The following ARL14EPL variants were observed in gnomAD, a reference collection of about 807,000 sequenced individuals.
ARL14EPL encodes the protein ARF like GTPase 14 effector protein like.
In ARL14EPL, 17 loss-of-function variants were observed where a neutral mutation model predicts 15.9. The ratio of observed to expected loss-of-function variants is 1.07; its 90% CI spans 0.73 to 1.60. The LOEUF (loss-of-function observed/expected upper bound fraction) is 1.60. Among genes scored for constraint, ARL14EPL ranks in the 40% most tolerant of loss-of-function variants. The pLI is 0.00. For synonymous variants in ARL14EPL, 78 were observed against 63.8 expected, an observed-to-expected ratio of 1.22 and a Z score of -1.06; for missense variants, 214 against 185.9, an observed-to-expected ratio of 1.15 and a Z score of -0.88.
intron 2 of ARL14EPL, among the ~76,000 whole-genome samples, 187 bp from the exon 3 acceptor site, chr5:116,053,827 T>C (rs1412490769): frequency 1.3e-5 from 2 of 152,238 alleles, no homozygotes; most frequent in African/African-American, 2.4e-5. Flanking sequence ...TCAGAAAGAA[T>C]GGCCCAACTT....
chr5:116,052,329 A>C, intron 2 of ARL14EPL: 1 of 935,374 alleles, frequency 1.1e-6, no homozygotes, highest in Non-Finnish European at 1.8e-6. Context: ...CCTTGCAAAG[A>C]TGTCGGACAA....
intron 1 of ARL14EPL, among the ~76,000 whole-genome samples, chr5:116,050,891 A>T (rs1407115454): frequency 6.6e-6 from 1 of 151,452 alleles, no homozygotes; most frequent in Non-Finnish European, 1.5e-5. Flanking sequence ...CTACTGAAGT[A>T]ATTTAGAAGA....
At chr5:116,054,212 T>C in intron 3 of ARL14EPL, 59 bp downstream of exon 3, 2 of 1,433,330 alleles carry the variant, frequency 1.4e-6, no homozygotes, top group Non-Finnish European at 1.8e-6. Context: ...GAATTCTCCT[T>C]GACAAAGCAA....
At chr5:116,046,903 G>A (rs6594932) in intron 1 of ARL14EPL, among the ~76,000 whole-genome samples, 120,954 of 151,988 alleles carry the variant, frequency 0.8, 48,314 homozygotes, top group Middle Eastern at 0.86. Flanking sequence ...AGGTCCTAGG[G>A]TGTGGGCCTA....
At chr5:116,035,690 C>T (rs552810667) in intron 1 of ARL14EPL, among the ~76,000 whole-genome samples, 45 of 152,280 alleles carry the variant, frequency 3.0e-4, no homozygotes, top group Admixed American at 1.8e-3. Context: ...CTCAGCCCAG[C>T]CAGGATCCAG....
At chr5:116,044,465 TTA>T (rs35174440) in intron 1 of ARL14EPL, among the ~76,000 whole-genome samples, 1 of 148,582 alleles carries the variant, frequency 6.7e-6, no homozygotes, top group Non-Finnish European at 1.5e-5. Context: ...AAGAAAAACA[TTA>T]TATATATATA....
chr5:116,052,084 T>A (rs1580416171), intron 2 of ARL14EPL: 2 of 1,613,530 alleles, frequency 1.2e-6, no homozygotes, highest in Non-Finnish European at 1.7e-6. Context: ...CAGCTGGGGT[T>A]ATAAGTTTAT....
At chr5:116,055,388 G>T (rs1749491766) in intron 3 of ARL14EPL, among the ~76,000 whole-genome samples, 1 of 151,992 alleles carries the variant, frequency 6.6e-6, no homozygotes, top group Non-Finnish European at 1.5e-5. Flanking sequence ...AAATAGCAAA[G>T]AAAATAAACT....
At chr5:116,053,185 T>G (rs1403578264) in intron 2 of ARL14EPL, among the ~76,000 whole-genome samples, 5 of 151,992 alleles carry the variant, frequency 3.3e-5, no homozygotes, top group Admixed American at 3.3e-4. Flanking sequence ...CCATCTCTAC[T>G]GCATATGTAC....
intron 1 of ARL14EPL, among the ~76,000 whole-genome samples, chr5:116,041,576 A>T (rs1210274122): frequency 6.6e-6 from 1 of 152,108 alleles, no homozygotes; most frequent in Non-Finnish European, 1.5e-5. Flanking sequence ...ACTGGGAATG[A>T]TGCTCATTAG....
At chr5:116,043,686 G>T (rs1435376128) in intron 1 of ARL14EPL, among the ~76,000 whole-genome samples, 1 of 152,148 alleles carries the variant, frequency 6.6e-6, no homozygotes, top group Admixed American at 6.5e-5. Context: ...ATAAAAGGAA[G>T]TAAGGTTCAG....
chr5:116,046,312 T>A (rs1749266573), intron 1 of ARL14EPL, among the ~76,000 whole-genome samples: 1 of 152,214 alleles, frequency 6.6e-6, no homozygotes, highest in Non-Finnish European at 1.5e-5. Context: ...CGTTTCTTGC[T>A]TTGATAATTT....
At chr5:116,049,745 G>A (rs751094946) in intron 1 of ARL14EPL, among the ~76,000 whole-genome samples, 8 of 152,138 alleles carry the variant, frequency 5.3e-5, no homozygotes, top group Non-Finnish European at 1.0e-4. Flanking sequence ...GCTATGAGAG[G>A]GCAGTAAGAA....
In ARL14EPL at chr5:116,059,151, T is replaced by A; in HGVS notation, c.*204T>A. The A allele has an allele frequency of 3.5e-6, 2 of 579,350 alleles. No homozygotes were observed. The highest frequency in any genetic ancestry group is 3.0e-6 in the Non-Finnish European group (1 of 328,378). 35.9% of individuals were successfully genotyped at this position (579,350 alleles called of 1,614,324 possible). On this transcript the variant is annotated 3_prime_UTR_variant, in exon 4 of 4. Transcript: ENST00000686077. ...TCAACAATTTTCAAGTCCCTTAACTTGCAACCAAAGAATGTAACAATGGAG... is the reference window on the plus strand; with the variant it reads ...TCAACAATTTTCAAGTCCCTTAACTAGCAACCAAAGAATGTAACAATGGAG...
chr5:116,055,755 C>T (rs1168687350), intron 3 of ARL14EPL, among the ~76,000 whole-genome samples: 1 of 151,950 alleles, frequency 6.6e-6, no homozygotes, highest in Non-Finnish European at 1.5e-5. Flanking sequence ...CCATTAACTC[C>T]TCATTTACAT....
intron 1 of ARL14EPL, among the ~76,000 whole-genome samples, chr5:116,037,779 C>T (rs559521875): frequency 1.6e-4 from 24 of 152,170 alleles, no homozygotes; most frequent in African/African-American, 5.5e-4. Context: ...TATAAAAAAT[C>T]CAGAGATACC....
At chr5:116,045,789 C>G (rs559671224) in intron 1 of ARL14EPL, among the ~76,000 whole-genome samples, 1 of 141,304 alleles carries the variant, frequency 7.1e-6, no homozygotes, top group Non-Finnish European at 1.6e-5. Context: ...TGTATGTGTA[C>G]GAAAATACAA....
intron 1 of ARL14EPL, among the ~76,000 whole-genome samples, chr5:116,033,429 G>A (rs543581648): frequency 3.7e-4 from 56 of 152,220 alleles, no homozygotes; most frequent in South Asian, 2.5e-3. Flanking sequence ...AACATTTGAG[G>A]TAGACTATGC....
At chr5:116,035,786 G>A (rs1354508547) in intron 1 of ARL14EPL, among the ~76,000 whole-genome samples, 2 of 152,188 alleles carry the variant, frequency 1.3e-5, no homozygotes, top group African/African-American at 4.8e-5. Flanking sequence ...AGACCTCTGA[G>A]GAGGAGGCTC....
Sources: gnomAD v4.1 joint callset for allele counts (sites outside exome capture counted in the v4.1 genomes callset) on GRCh38, gnomAD v4.1.1 for gene constraint, MANE v1.5 for transcripts, NCBI Gene and HGNC (gene_info 2026-07-23, HGNC 2026-07-21) for gene names.